Variants in MECOM observed in about 807,000 individuals in gnomAD.
MECOM encodes the protein MDS1 and EVI1 complex locus, also known as histone-lysine N-methyltransferase MECOM.
A neutral mutation model predicts 116.3 loss-of-function variants in MECOM; 13 were observed. The ratio of observed to expected loss-of-function variants is 0.11; its 90% CI spans 0.07 to 0.18. The LOEUF is 0.18. Ranked by LOEUF, MECOM falls within the 10% of genes least tolerant of loss-of-function variation. MECOM has a pLI of 1.00. For synonymous variants in MECOM, 528 were observed against 535.2 expected (o/e 0.99, Z 0.19); for missense variants, 1,299 against 1,509.0 (o/e 0.86, Z 2.31).
chr3:169,472,511 AGGAAAGG>A (rs1749499056), intron 1 of MECOM, among the ~76,000 whole-genome samples: 1 of 93,874 alleles, frequency 1.1e-5, no homozygotes, highest in African/African-American at 5.1e-5. Context: ...AGGAAAGGAA[AGGAAAGG>A]AAAGAAAAGA....
chr3:169,096,490 G>A (rs935512973), intron 12 of MECOM, among the ~76,000 whole-genome samples: 2 of 151,830 alleles, frequency 1.3e-5, no homozygotes, highest in Non-Finnish European at 2.9e-5. Flanking sequence ...AGCTGGTCTC[G>A]AACTCCTGAC....
chr3:169,136,931 G>A (rs1354867373), intron 3 of MECOM, among the ~76,000 whole-genome samples: 7 of 152,204 alleles, frequency 4.6e-5, no homozygotes, highest in South Asian at 2.1e-4. Context: ...TGACAGAAGC[G>A]TGAATTATGA....
At chr3:169,476,654 C>T (rs1199411814) in intron 1 of MECOM, among the ~76,000 whole-genome samples, 5 of 152,074 alleles carry the variant, frequency 3.3e-5, no homozygotes, top group African/African-American at 2.4e-5. Flanking sequence ...GGTACTCATG[C>T]TCTCTGCAAG....
At chr3:169,267,460 C>G (rs1758449272) in intron 2 of MECOM, among the ~76,000 whole-genome samples, 1 of 152,058 alleles carries the variant, frequency 6.6e-6, no homozygotes, top group Non-Finnish European at 1.5e-5. Context: ...GGAATGAGAC[C>G]ACGATAGGTA....
At chr3:169,440,157 T>C (rs1286033757) in intron 1 of MECOM, among the ~76,000 whole-genome samples, 1 of 152,144 alleles carries the variant, frequency 6.6e-6, no homozygotes, top group Admixed American at 6.5e-5. Context: ...CAAGTGTTCA[T>C]TTTATTTTTA....
At chr3:169,173,096 C>A (rs1006713437) in intron 2 of MECOM, among the ~76,000 whole-genome samples, 11 of 151,974 alleles carry the variant, frequency 7.2e-5, no homozygotes, top group African/African-American at 2.7e-4. Flanking sequence ...CCAATAAATG[C>A]AATAAAAAAT....
At chr3:169,142,029 A>G (rs747943211) in intron 3 of MECOM, among the ~76,000 whole-genome samples, 4 of 151,994 alleles carry the variant, frequency 2.6e-5, no homozygotes, top group Non-Finnish European at 4.4e-5. Context: ...TACAATGTAT[A>G]TTTCAAAAGC....
rs746184768 is a variant in MECOM at position 169,145,173 on chromosome 3, CACACACACACACACACAGAG to C, written c.376-1361_376-1342del. On this transcript the variant is annotated intron_variant, in intron 2 of 16. Transcript: ENST00000651503. Reference sequence around the variant, plus strand: ...ACACACACACACACACACACACACACACACACACACACACACAGAGAGAAATCAAACTCTTCTTTTTCAAG... The same window carrying C: ...ACACACACACACACACACACACACACAGAAATCAAACTCTTCTTTTTCAAG... 813 of 494,596 alleles carry C rather than the reference CACACACACACACACACAGAG, an allele frequency of 1.6e-3. 9 individuals are homozygous for C. The highest frequency in any genetic ancestry group is 3.7e-3 in the Middle Eastern group (11 of 2,962). The allele number at this position is 494,596 out of a possible 1,614,324, so 30.6% of individuals were successfully genotyped here.
At chr3:169,281,791 G>A (rs1712081794) in intron 2 of MECOM, among the ~76,000 whole-genome samples, 1 of 152,004 alleles carries the variant, frequency 6.6e-6, no homozygotes, top group Non-Finnish European at 1.5e-5. Context: ...CAGCCTGGGT[G>A]ACAATGAGAT....
chr3:169,455,314 C>T (rs1458818046), intron 1 of MECOM, among the ~76,000 whole-genome samples: 1 of 152,102 alleles, frequency 6.6e-6, no homozygotes, highest in Non-Finnish European at 1.5e-5. Context: ...AGTGCACACC[C>T]TAATTTAGGG....
chr3:169,132,488 A>G (rs918190378), intron 3 of MECOM, among the ~76,000 whole-genome samples: 4 of 12,608 alleles, frequency 3.2e-4, no homozygotes, highest in Admixed American at 1.1e-3. Context: ...AAATGTCATC[A>G]GTTTTTTTTC....
intron 2 of MECOM, among the ~76,000 whole-genome samples, chr3:169,378,579 AAAGAAAGTAAGTAAGTAAGT>A (rs1731833846): frequency 1.2e-5 from 1 of 86,650 alleles, no homozygotes; most frequent in African/African-American, 4.1e-5. Context: ...AGAAAGAAAG[AAAGAAAGTAAGTAAGTAAGT>A]TTGGGGACTT....
At chr3:169,609,215 CT>C in intron 1 of MECOM, among the ~76,000 whole-genome samples, 1 of 152,276 alleles carries the variant, frequency 6.6e-6, no homozygotes, top group African/African-American at 2.4e-5. Context: ...GGCTTGCTGG[CT>C]TGCAGTCAAT....
intron 7 of MECOM, 98 bp downstream of exon 7, chr3:169,120,958 T>C (rs1403838698): frequency 7.8e-7 from 1 of 1,274,788 alleles, no homozygotes; most frequent in Non-Finnish European, 1.1e-6. Context: ...GCTAACACGG[T>C]GACCCTCTAA....
chr3:169,132,974 G>C (rs770100739), intron 3 of MECOM, among the ~76,000 whole-genome samples: 1 of 151,590 alleles, frequency 6.6e-6, no homozygotes, highest in Non-Finnish European at 1.5e-5. Flanking sequence ...GGCTGGTCTC[G>C]AACTCCTGGG....
rs564204471 is a variant in MECOM, at chr3:169,083,772, G to A, written c.*1137C>T. ...ATAGGATTAACATGAACATAACATCGCACAAGCTTGCAGACAACCAGCATA... is the reference window on the plus strand; with the variant it reads ...ATAGGATTAACATGAACATAACATCACACAAGCTTGCAGACAACCAGCATA... On this transcript the variant is annotated 3_prime_UTR_variant, in exon 17 of 17. Transcript: ENST00000651503. The A allele has an allele frequency of 3.8e-4, 79 of 209,032 alleles. No individual in the cohort carries two copies. Among genetic ancestry groups the A allele is most frequent in the Admixed American group, 2.1e-3 (35 of 16,914 alleles). The allele number at this position is 209,032 out of a possible 1,614,324, so 12.9% of individuals were successfully genotyped here.
Position 169,115,747 on chromosome 3 carries a change from G to A in MECOM, c.2125C>T (p.Pro709Ser), listed in dbSNP as rs1560185499. ...FFPAFSQSMYPFPDRDLRSLP... is the reference protein window; with the variant it reads ...FFPAFSQSMYSFPDRDLRSLP... ...GATCTCAAGTCTCTATCAGGAAATG[G>A]GTACATTGATTGAGAGAATGCTGGA... The change falls in exon 8 of 17, where the codon CCA becomes TCA. Residue 709 changes from proline to serine, a missense_variant. Coordinates refer to ENST00000651503, the MANE Select transcript of MECOM (RefSeq NM_004991.4). 6 of 1,614,032 alleles carry A rather than the reference G, an allele frequency of 3.7e-6. No homozygotes were observed. The South Asian group carries it at 6.6e-5, about 18-fold the overall frequency.
intron 9 of MECOM, 34 bp downstream of exon 9, chr3:169,112,753 T>C (rs766335995): frequency 6.5e-7 from 1 of 1,527,606 alleles, no homozygotes; most frequent in Non-Finnish European, 9.0e-7. Context: ...CAAGTTAGTT[T>C]ACAAGCTGGA....
At chr3:169,576,836 C>CAG (rs1413097407) in intron 1 of MECOM, among the ~76,000 whole-genome samples, 126 of 113,396 alleles carry the variant, frequency 1.1e-3, no homozygotes, top group African/African-American at 2.4e-3. Context: ...CACACACACA[C>CAG]ACAGAGAGAG....
Sources: gnomAD v4.1 joint callset for allele counts (sites outside exome capture counted in the v4.1 genomes callset) on GRCh38, gnomAD v4.1.1 for gene constraint, MANE v1.5 for transcripts, NCBI Gene and HGNC (gene_info 2026-07-23, HGNC 2026-07-21) for gene names.